CALN1: variants seen among roughly 807,000 people sequenced by gnomAD.
CALN1 encodes the protein calcium-binding protein 8.
CALN1 carries 17 observed loss-of-function variants against 30.6 expected under a neutral mutation model. That is an observed-to-expected ratio of 0.56 (90% CI 0.38 to 0.83). The LOEUF is 0.83. Among genes scored for constraint, CALN1 ranks in the 40% least tolerant of loss-of-function variants. The pLI is 0.00. For missense variants in CALN1, 291 were observed against 354.9 expected (o/e 0.82, Z 1.45); for synonymous variants, 156 against 131.4 (o/e 1.19, Z -1.28).
intron 2 of CALN1, among the ~76,000 whole-genome samples, chr7:72,398,948 T>C (rs1562948144): frequency 6.6e-6 from 1 of 152,238 alleles, no homozygotes; most frequent in Non-Finnish European, 1.5e-5. Context: ...TTCCTCCTGC[T>C]AGAGTGTCCT....
chr7:71,984,459 T>C (rs937576180), intron 5 of CALN1, among the ~76,000 whole-genome samples: 1 of 152,204 alleles, frequency 6.6e-6, no homozygotes, highest in African/African-American at 2.4e-5. Context: ...GCAAGAATGA[T>C]GTTATCCAGG....
At chr7:72,357,507 C>A (rs1803305934) in intron 2 of CALN1, among the ~76,000 whole-genome samples, 1 of 151,904 alleles carries the variant, frequency 6.6e-6, no homozygotes, top group South Asian at 2.1e-4. Flanking sequence ...CCACCCCCAA[C>A]CCATCCCTAA....
intron 2 of CALN1, among the ~76,000 whole-genome samples, chr7:72,396,252 AAAAAAG>A (rs1805937449): frequency 1.7e-5 from 1 of 57,540 alleles, no homozygotes; most frequent in African/African-American, 1.4e-4. Context: ...AAAAAAAAAA[AAAAAAG>A]AAAGAAAAAG....
chr7:71,986,389 G>T lies in CALN1; in HGVS notation c.501+37268C>A, dbSNP rs759438866. The stretch of plus-strand genomic sequence containing the variant: ...CCAGATAAATCTTAAAAAGCATCTT[G>T]ATGCTTAAAAATATAAACCCAGCTC... On this transcript the variant is annotated intron_variant, in intron 5 of 6. Coordinates refer to ENST00000395275, the MANE Select transcript of CALN1 (RefSeq NM_031468.4). Among the ~76,000 whole-genome samples the T allele has an allele frequency of 4.6e-5, 7 of 152,150 alleles. No individual in the cohort carries two copies. The South Asian group carries it at 1.0e-3, about 23-fold the overall frequency.
chr7:72,067,833 A>G (rs1031763009), intron 4 of CALN1, among the ~76,000 whole-genome samples: 3 of 152,140 alleles, frequency 2.0e-5, no homozygotes, highest in Admixed American at 6.5e-5. Flanking sequence ...TGTCCTCTTC[A>G]TCTGCATTTG....
intron 5 of CALN1, among the ~76,000 whole-genome samples, chr7:71,876,312 G>T (rs1426105074): frequency 6.6e-6 from 1 of 152,152 alleles, no homozygotes; most frequent in Non-Finnish European, 1.5e-5. Context: ...GATTGGATTA[G>T]TTGCCTTTAG....
intron 5 of CALN1, among the ~76,000 whole-genome samples, chr7:71,839,127 G>C (rs749348502): frequency 6.6e-6 from 1 of 151,526 alleles, no homozygotes; most frequent in Admixed American, 6.6e-5. Flanking sequence ...TCATTCTTGA[G>C]AGAGAGAGAG....
intron 3 of CALN1, among the ~76,000 whole-genome samples, chr7:72,122,206 A>G (rs937666449): frequency 1.3e-5 from 2 of 152,152 alleles, no homozygotes; most frequent in Non-Finnish European, 2.9e-5. Flanking sequence ...AATACAGTTA[A>G]TTTGTCATTA....
At chr7:71,937,480 T>C (rs2129521663) in intron 5 of CALN1, among the ~76,000 whole-genome samples, 1 of 152,098 alleles carries the variant, frequency 6.6e-6, no homozygotes, top group Middle Eastern at 3.5e-3. Flanking sequence ...ATTTCACGTG[T>C]ATATATGCAG....
chr7:72,133,939 TTGAG>T (rs1390164423), intron 3 of CALN1, among the ~76,000 whole-genome samples: 2 of 152,232 alleles, frequency 1.3e-5, no homozygotes, highest in African/African-American at 2.4e-5. Context: ...ATGCTACAGT[TTGAG>T]TATGTTCTCT....
In CALN1 at chr7:71,968,973, C is replaced by G. The variant is rs540650058; in HGVS notation, c.501+54684G>C. 4.1e-4 allele frequency among the ~76,000 whole-genome samples: 61 copies of G among 150,144 alleles called. No homozygotes were observed. In the South Asian group the frequency reaches 0.01, roughly 26 times the overall value. ...CTAAGGCAGGGGGATTGCTTGAGCC[C>G]AGGAGGTTGAGGCTGCAGTGAACTA... On this transcript the variant is annotated intron_variant, in intron 5 of 6. Transcript: ENST00000395275.
chr7:72,030,158 CTT>C (rs1801341744), intron 4 of CALN1, among the ~76,000 whole-genome samples: 1 of 152,304 alleles, frequency 6.6e-6, no homozygotes, highest in South Asian at 2.1e-4. Flanking sequence ...AAAACCCACA[CTT>C]TGGTATATTT....
chr7:72,466,901 GAGAA>G, the CALN1 span, among the ~76,000 whole-genome samples: 32 of 151,884 alleles, frequency 2.1e-4, no homozygotes, highest in South Asian at 1.2e-3. Context: ...GAAAAAGAAA[GAGAA>G]AGAAAGAAAG....
chr7:71,836,943 A>G (rs906061971), intron 5 of CALN1, among the ~76,000 whole-genome samples: 1 of 149,390 alleles, frequency 6.7e-6, no homozygotes, highest in African/African-American at 2.4e-5. Flanking sequence ...TCTAAACAAG[A>G]GCCACTGGCC....
intron 3 of CALN1, among the ~76,000 whole-genome samples, chr7:72,129,453 TATAG>T (rs774723493): frequency 1.3e-5 from 2 of 152,172 alleles, no homozygotes; most frequent in Non-Finnish European, 2.9e-5. Flanking sequence ...GTGTGTGCGT[TATAG>T]ATAGACAGAT....
intron 2 of CALN1, among the ~76,000 whole-genome samples, chr7:72,368,809 CTTTTTTTTTTTT>C (rs57192078): frequency 2.0e-5 from 2 of 101,508 alleles, no homozygotes; most frequent in South Asian, 7.3e-4. Flanking sequence ...GTTTGAAACC[CTTTTTTTTTTTT>C]TTTTTTTTTT....
chr7:72,351,496 C>T (rs1039817818), intron 2 of CALN1, among the ~76,000 whole-genome samples: 5 of 151,956 alleles, frequency 3.3e-5, no homozygotes, highest in African/African-American at 1.2e-4. Flanking sequence ...AAAATATTAC[C>T]CAATGCATTT....
chr7:72,222,779 A>G (rs1793399627), intron 3 of CALN1, among the ~76,000 whole-genome samples: 1 of 152,170 alleles, frequency 6.6e-6, no homozygotes. Context: ...CCAGTGCTTT[A>G]GGAGACCAAA....
chr7:72,358,299 T>C (rs77167622), intron 2 of CALN1, among the ~76,000 whole-genome samples: 7,862 of 152,086 alleles, frequency 0.052, 307 homozygotes, highest in Middle Eastern at 0.13. Context: ...CGCCTAGCCT[T>C]GGATCACAAA....
Sources: allele counts gnomAD v4.1 joint callset (sites outside exome capture counted in the v4.1 genomes callset), GRCh38; gene constraint gnomAD v4.1.1; transcripts MANE v1.5; gene names NCBI Gene and HGNC (gene_info 2026-07-23, HGNC 2026-07-21).